Variants in STX18 observed in about 807,000 individuals in gnomAD.
The protein encoded by STX18 is syntaxin 18, also known as syntaxin-18.
STX18 carries 40 observed loss-of-function variants against 50.1 expected under a neutral mutation model. The observed-to-expected ratio is 0.80, with a 90% CI of 0.62 to 1.04. The LOEUF (loss-of-function observed/expected upper bound fraction) is 1.04. Ranked by LOEUF, STX18 falls within the 50% of genes least tolerant of loss-of-function variation. The probability of loss-of-function intolerance (pLI) is 0.00; values close to 1 mark genes in which losing one functional copy is unlikely to be tolerated. For missense variants in STX18, 410 were observed against 415.8 expected (o/e 0.99, Z 0.12); for synonymous variants, 158 against 151.8 (o/e 1.04, Z -0.30).
At position 4,420,558 on chromosome 4, in the gene STX18, C is replaced by A. The variant is rs1724885347; in HGVS notation, c.912+306G>T. 1.2e-5 allele frequency: 5 copies of A among 425,380 alleles called. No homozygotes were observed. The South Asian group carries it at 1.8e-4, about 15-fold the overall frequency. The allele number at this position is 425,380 out of a possible 1,614,324, so 26.4% of individuals were successfully genotyped here. Reference sequence around the variant, plus strand: ...CAGGCTCTGACCCCTCGGTGGGGGCCAACGAGCTACCCATGTACATCCCTG... The same window carrying A: ...CAGGCTCTGACCCCTCGGTGGGGGCAAACGAGCTACCCATGTACATCCCTG... On this transcript the variant is annotated intron_variant, in intron 10 of 10. Coordinates refer to ENST00000306200, the MANE Select transcript of STX18 (RefSeq NM_016930.4). The surrounding 1 kb of genome is among the most constrained non-coding windows in gnomAD (Gnocchi z 4.3).
chr4:4,533,235 T>C (rs973397215), intron 1 of STX18, among the ~76,000 whole-genome samples: 2 of 152,202 alleles, frequency 1.3e-5, no homozygotes, highest in African/African-American at 4.8e-5. Flanking sequence ...CAATATTAAA[T>C]GTAATACGCT....
At chr4:4,513,167 G>A (rs1050691778) in intron 1 of STX18, among the ~76,000 whole-genome samples, 1 of 152,148 alleles carries the variant, frequency 6.6e-6, no homozygotes, top group African/African-American at 2.4e-5. Context: ...TGTCTCTTTA[G>A]GAAACCTCAG....
intron 1 of STX18, among the ~76,000 whole-genome samples, chr4:4,518,793 A>C (rs533126869): frequency 1.3e-5 from 2 of 152,318 alleles, no homozygotes; most frequent in Non-Finnish European, 2.9e-5. Context: ...GCTCTAGCTC[A>C]CAACGGTTTA....
chr4:4,482,879 C>T (rs1728528394), intron 1 of STX18, among the ~76,000 whole-genome samples: 3 of 152,034 alleles, frequency 2.0e-5, no homozygotes, highest in African/African-American at 7.3e-5. Flanking sequence ...GAAATCTTAC[C>T]AGAAAAAATA....
At chr4:4,433,236 T>A (rs1725605432) in intron 7 of STX18, among the ~76,000 whole-genome samples, 1 of 152,236 alleles carries the variant, frequency 6.6e-6, no homozygotes, top group Non-Finnish European at 1.5e-5. Flanking sequence ...AGAGAAGGCA[T>A]TCATAAGTAT....
At chr4:4,455,341 C>T (rs1185965653) in intron 5 of STX18, among the ~76,000 whole-genome samples, 3 of 152,226 alleles carry the variant, frequency 2.0e-5, no homozygotes, top group African/African-American at 7.2e-5. Context: ...ATAATAGTAG[C>T]TGTTGCTGAC....
At chr4:4,472,599 T>A (rs1049849391) in intron 1 of STX18, among the ~76,000 whole-genome samples, 1 of 152,252 alleles carries the variant, frequency 6.6e-6, no homozygotes, top group African/African-American at 2.4e-5. Flanking sequence ...CACTTTGCTC[T>A]GATCTTAAAA....
At chr4:4,527,102 C>G (rs150484769) in intron 1 of STX18, among the ~76,000 whole-genome samples, 7 of 152,158 alleles carry the variant, frequency 4.6e-5, no homozygotes, top group Non-Finnish European at 1.0e-4. Context: ...AAGTACCCCA[C>G]GACGCCTTCA....
intron 1 of STX18, among the ~76,000 whole-genome samples, chr4:4,480,465 G>C (rs1228507698): frequency 6.6e-6 from 1 of 152,082 alleles, no homozygotes; most frequent in Non-Finnish European, 1.5e-5. Flanking sequence ...ACCTCCTAAA[G>C]GCTTCCCTGC....
intron 1 of STX18, among the ~76,000 whole-genome samples, chr4:4,484,150 C>G (rs1212028784): frequency 6.6e-6 from 1 of 152,156 alleles, no homozygotes; most frequent in East Asian, 1.9e-4. Flanking sequence ...GTGTGAGCCA[C>G]CGTGCCCGGC....
intron 1 of STX18, among the ~76,000 whole-genome samples, chr4:4,473,814 G>A (rs1728042610): frequency 6.6e-6 from 1 of 152,142 alleles, no homozygotes. Context: ...GGAAATGCGT[G>A]GGTAGAATAC....
Position 4,457,255 on chromosome 4 carries a change from C to G in STX18, c.433G>C (p.Val145Leu). ...CTCTGTTCTGAGTAAAGTTTACATACTCCTGTTGCAGAAGAAAATACCAGA... is the reference window on the plus strand; with the variant it reads ...CTCTGTTCTGAGTAAAGTTTACATAGTCCTGTTGCAGAAGAAAATACCAGA... ...LDFIEDYLKR[V>L]CKLYSEQRAI... Residue 145 changes from valine (V) to leucine (L), a missense_variant and splice_region_variant, in exon 5 of 11, where the codon GTA (valine) becomes CTA (leucine). By Grantham distance (32) the Val-to-Leu change is conservative. Coordinates refer to ENST00000306200, the MANE Select transcript of STX18 (RefSeq NM_016930.4). 6.2e-7 allele frequency: 1 copy of G among 1,613,986 alleles called. No homozygotes were observed. Among genetic ancestry groups the G allele is most frequent in the South Asian group, 1.1e-5 (1 of 91,074 alleles).
intron 7 of STX18, among the ~76,000 whole-genome samples, chr4:4,430,337 T>G (rs1339908167): frequency 6.6e-6 from 1 of 152,268 alleles, no homozygotes; most frequent in African/African-American, 2.4e-5. Context: ...TTCTTTCTCT[T>G]TATTTTCAAA....
At chr4:4,449,491 C>T (rs1726632307) in intron 5 of STX18, among the ~76,000 whole-genome samples, 2 of 152,302 alleles carry the variant, frequency 1.3e-5, no homozygotes, top group South Asian at 2.1e-4. Context: ...AGTTTCACGG[C>T]CTCAACACAC....
At chr4:4,484,174 G>T (rs983449448) in intron 1 of STX18, among the ~76,000 whole-genome samples, 3 of 152,100 alleles carry the variant, frequency 2.0e-5, no homozygotes, top group Non-Finnish European at 4.4e-5. Flanking sequence ...TTCCTCTCAG[G>T]AATTTTTTAT....
At chr4:4,466,451 G>A (rs547210903) in intron 2 of STX18, among the ~76,000 whole-genome samples, 6 of 152,312 alleles carry the variant, frequency 3.9e-5, no homozygotes, top group Admixed American at 6.5e-5. Flanking sequence ...AGGCAGAGAA[G>A]GGATTTGAAG....
intron 7 of STX18, among the ~76,000 whole-genome samples, chr4:4,431,716 C>T (rs1725527466): frequency 1.3e-5 from 2 of 152,192 alleles, no homozygotes; most frequent in African/African-American, 4.8e-5. Context: ...CCAGCCTGCC[C>T]ACCTTCTGTG....
chr4:4,463,726 C>A (rs775708858), intron 2 of STX18, among the ~76,000 whole-genome samples: 1 of 152,270 alleles, frequency 6.6e-6, no homozygotes, highest in South Asian at 2.1e-4. Flanking sequence ...CCTATCAAAT[C>A]AGTATTTGAT....
At chr4:4,489,391 ATTTTTTTTTTTTTTTTTTTTTTT>A (rs34563523) in intron 1 of STX18, among the ~76,000 whole-genome samples, 21 of 51,678 alleles carry the variant, frequency 4.1e-4, no homozygotes, top group East Asian at 2.6e-3. Flanking sequence ...ATGCAAAATA[ATTTTTTTTTTTTTTTTTTTTTTT>A]TTTTTTTTTT....
Sources: allele counts gnomAD v4.1 joint callset (sites outside exome capture counted in the v4.1 genomes callset), GRCh38; gene constraint gnomAD v4.1.1; non-coding constraint Gnocchi (gnomAD v3.1); transcripts MANE v1.5; gene names NCBI Gene and HGNC (gene_info 2026-07-23, HGNC 2026-07-21).